NOS1: variants seen among roughly 807,000 people sequenced by gnomAD.
NOS1 encodes the protein nitric oxide synthase 1, also known as NOS type I.
Under a neutral mutation model 164.5 loss-of-function variants are expected in NOS1, and 51 were observed. That is an observed-to-expected ratio of 0.31 (90% CI 0.25 to 0.39). NOS1 has a LOEUF of 0.39. Ranked by LOEUF, NOS1 falls within the 10% of genes least tolerant of loss-of-function variation. NOS1 has a pLI of 1.00. For missense variants in NOS1, 1,362 were observed against 1,885.6 expected (o/e 0.72, Z 5.14); for synonymous variants, 719 against 745.8 (o/e 0.96, Z 0.59).
chr12:117,314,526 G>T (rs1339609424), intron 2 of NOS1, among the ~76,000 whole-genome samples: 1 of 152,230 alleles, frequency 6.6e-6, no homozygotes, highest in Admixed American at 6.5e-5. Flanking sequence ...GAGGGGTTAT[G>T]TAAGTTTCCC....
At chr12:117,361,289 C>A (rs1877137296) in intron 1 of NOS1, among the ~76,000 whole-genome samples, 1 of 152,022 alleles carries the variant, frequency 6.6e-6, no homozygotes, top group African/African-American at 2.4e-5. Context: ...GCCGGTTGCA[C>A]CCACTCGCCT....
intron 1 of NOS1, among the ~76,000 whole-genome samples, chr12:117,346,370 C>G (rs950134425): frequency 1.1e-4 from 16 of 152,120 alleles, no homozygotes; most frequent in African/African-American, 3.9e-4. Flanking sequence ...ACTCAGGAGG[C>G]TGAGGCAGGA....
At chr12:117,220,002 A>G in intron 27 of NOS1, 73 bp downstream of exon 27, 1 of 1,414,460 alleles carries the variant, frequency 7.1e-7, no homozygotes, top group Non-Finnish European at 9.7e-7. Flanking sequence ...TCATCAAGAC[A>G]GGTTGGATGA....
chr12:117,317,525 C>T (rs559750571), intron 2 of NOS1, among the ~76,000 whole-genome samples: 1 of 151,186 alleles, frequency 6.6e-6, no homozygotes, highest in East Asian at 1.9e-4. Context: ...AAAGTGCCCC[C>T]TGGGAGGCAA....
intron 3 of NOS1, among the ~76,000 whole-genome samples, chr12:117,310,798 A>G (rs1194119209): frequency 6.6e-6 from 1 of 152,116 alleles, no homozygotes; most frequent in Middle Eastern, 3.4e-3. Context: ...GGTATATGCC[A>G]TTATGCTCCA....
At chr12:117,246,423 A>G (rs1270894439) in intron 18 of NOS1, among the ~76,000 whole-genome samples, 1 of 152,182 alleles carries the variant, frequency 6.6e-6, no homozygotes, top group Non-Finnish European at 1.5e-5. Context: ...AGCATCAACC[A>G]CCATGTCCAG....
intron 8 of NOS1, among the ~76,000 whole-genome samples, chr12:117,279,964 C>A (rs1298648608): frequency 2.0e-5 from 3 of 152,186 alleles, no homozygotes; most frequent in Non-Finnish European, 2.9e-5. Context: ...GGGGCTTGAG[C>A]AAAGGACGAC....
Position 117,253,744 on chromosome 12 carries a change from C to A in NOS1, c.2542G>T (p.Val848Phe). The change falls in exon 17 of 29, where the codon GTC becomes TTC. Residue 848 changes from valine to phenylalanine, a missense_variant. Around this residue, in one of 4 missense-constraint regions of NOS1, gnomAD observed 737 missense variants for 1,030.3 expected, o/e 0.72. Coordinates refer to ENST00000317775, the MANE Select transcript of NOS1 (RefSeq NM_000620.5). ...SVQEERKSYK[V>F]RFNSVSSYSD... Reference sequence around the variant, plus strand: ...TAGGAGGAGACGCTGTTGAATCGGACCTTGTAGCTCCTGCCAAAACCAAAG... The same window carrying A: ...TAGGAGGAGACGCTGTTGAATCGGAACTTGTAGCTCCTGCCAAAACCAAAG... The A allele has an allele frequency of 6.2e-7, 1 of 1,613,274 alleles. No homozygotes were observed. Among genetic ancestry groups the A allele is most frequent in the Non-Finnish European group, 8.5e-7 (1 of 1,179,276 alleles).
At chr12:117,221,644 A>T in intron 26 of NOS1, among the ~76,000 whole-genome samples, 1 of 148,698 alleles carries the variant, frequency 6.7e-6, no homozygotes, top group African/African-American at 2.5e-5. Flanking sequence ...CTAATTATTT[A>T]TTGTTTAGAG....
chr12:117,335,668 C>T (rs975492058), intron 1 of NOS1, among the ~76,000 whole-genome samples: 21 of 149,620 alleles, frequency 1.4e-4, no homozygotes, highest in Non-Finnish European at 3.0e-4. Context: ...GCTTACTGTG[C>T]ACTAAGCATT....
intron 16 of NOS1, chr12:117,255,806 A>C (rs1482423839): frequency 2.2e-6 from 1 of 453,076 alleles, no homozygotes; most frequent in African/African-American, 2.0e-5. Flanking sequence ...TCACTTAGTG[A>C]GTTAGTGACA....
At chr12:117,320,179 A>G (rs1874850439) in intron 2 of NOS1, among the ~76,000 whole-genome samples, 1 of 152,196 alleles carries the variant, frequency 6.6e-6, no homozygotes, top group Non-Finnish European at 1.5e-5. Flanking sequence ...CTCAGGTCCT[A>G]AACCCTTGAA....
chr12:117,215,869 C>CTTTTTTTTT (rs34665031), intron 28 of NOS1, among the ~76,000 whole-genome samples: 1 of 85,428 alleles, frequency 1.2e-5, no homozygotes, highest in African/African-American at 5.6e-5. Context: ...TTTAAAAGGA[C>CTTTTTTTTT]TTTTTTTTTT....
chr12:117,247,557 G>T, intron 17 of NOS1, 35 bp from the exon 18 acceptor site: 1 of 1,571,068 alleles, frequency 6.4e-7, no homozygotes. Flanking sequence ...CATGCTAAGG[G>T]ACTGTGGGGA....
rs945598950 is a variant in NOS1, at chr12:117,227,420, C to G, written c.3616+11G>C. On this transcript the variant is annotated intron_variant, in intron 23 of 28. Coordinates refer to ENST00000317775, the MANE Select transcript of NOS1 (RefSeq NM_000620.5). ...TGCAGCTGAGGAGGCTCTCCCAGTG[C>G]CTCCGCCCACCTCGAGTGCGGTAGG... is the stretch of plus-strand genomic sequence containing the variant. The G allele has an allele frequency of 6.2e-7, 1 of 1,613,444 alleles. No homozygotes were observed. The highest frequency in any genetic ancestry group is 8.5e-7 in the Non-Finnish European group (1 of 1,179,742).
chr12:117,309,155 T>C (rs767819609), intron 3 of NOS1, among the ~76,000 whole-genome samples: 1 of 152,222 alleles, frequency 6.6e-6, no homozygotes, highest in Non-Finnish European at 1.5e-5. Flanking sequence ...ACCATATTTG[T>C]TCATTTAATC....
At chr12:117,290,990 A>G (rs1873020077) in intron 3 of NOS1, among the ~76,000 whole-genome samples, 1 of 152,134 alleles carries the variant, frequency 6.6e-6, no homozygotes, top group South Asian at 2.1e-4. Context: ...AGGTGGGCGG[A>G]TCACTTGAGA....
chr12:117,301,943 A>C (rs2136043465), intron 3 of NOS1: 2 of 454,490 alleles, frequency 4.4e-6, no homozygotes, highest in South Asian at 3.1e-5. Flanking sequence ...TTGAGCATTT[A>C]TTCTGTGCCA....
chr12:117,254,352 C>T (rs1871293381), intron 16 of NOS1, among the ~76,000 whole-genome samples: 2 of 152,182 alleles, frequency 1.3e-5, no homozygotes, highest in South Asian at 4.1e-4. Flanking sequence ...GGTGATCCAC[C>T]TGCCTCGGCC....
Sources: gnomAD v4.1 joint callset for allele counts (sites outside exome capture counted in the v4.1 genomes callset) on GRCh38, gnomAD v4.1.1 for gene constraint, gnomAD v4.1.1 regional missense constraint, MANE v1.5 for transcripts, NCBI Gene and HGNC (gene_info 2026-07-23, HGNC 2026-07-21) for gene names.